Variants in CNST observed in about 807,000 individuals in gnomAD.
The protein encoded by CNST is consortin.
In CNST, 39 loss-of-function variants were observed where a neutral mutation model predicts 72.4. The ratio of observed to expected loss-of-function variants is 0.54; its 90% CI spans 0.42 to 0.70. The LOEUF (loss-of-function observed/expected upper bound fraction) is 0.70, where lower values mean the gene tolerates loss of function less well. Among genes scored for constraint, CNST ranks in the 30% least tolerant of loss-of-function variants. The pLI, the probability that CNST is intolerant of heterozygous loss-of-function variation, is 0.00. For synonymous variants in CNST, 332 were observed against 320.1 expected (o/e 1.04, Z -0.40); for missense variants, 871 against 868.5 (o/e 1.00, Z -0.04).
chr1:246,593,865 C>T (rs145865411), intron 2 of CNST, among the ~76,000 whole-genome samples: 1,575 of 152,174 alleles, frequency 0.01, 14 homozygotes, highest in Non-Finnish European at 0.017. Context: ...CAGGCACAAG[C>T]GATTCTCCCA....
At position 246,576,605 on chromosome 1, in the gene CNST, C is replaced by T. The variant is rs2103006154; in HGVS notation, c.-52+9942C>T. Among the ~76,000 whole-genome samples, 2 of 151,550 alleles carry T rather than the reference C, an allele frequency of 1.3e-5. 1 individual carries two copies. Among genetic ancestry groups the T allele is most frequent in the Admixed American group, 1.3e-4 (2 of 15,222 alleles). ...CTGCCTCCCAGGTTCAAGTGACTCT[C>T]CTGCCTCAGCCTCTTTAGTAGCTGG... On this transcript the variant is annotated intron_variant, in intron 1 of 10. Transcript: ENST00000366513.
chr1:246,623,953 C>T (rs1379581204), intron 3 of CNST, among the ~76,000 whole-genome samples: 1 of 151,066 alleles, frequency 6.6e-6, no homozygotes, highest in African/African-American at 2.4e-5. Flanking sequence ...ATCCCAGCTA[C>T]TCAGGACGCT....
intron 3 of CNST, among the ~76,000 whole-genome samples, chr1:246,628,755 C>T (rs774123482): frequency 2.0e-5 from 3 of 152,140 alleles, no homozygotes; most frequent in Non-Finnish European, 2.9e-5. Context: ...CCTGGGAACT[C>T]GGTTTCAACA....
chr1:246,605,979 G>T (rs911812157), intron 2 of CNST: 1 of 152,092 alleles, frequency 6.6e-6, no homozygotes, highest in African/African-American at 2.4e-5. Flanking sequence ...TTTCGGCCCC[G>T]GGGAGAATCT....
At chr1:246,662,218 G>A (rs938916753) in intron 10 of CNST, among the ~76,000 whole-genome samples, 2 of 152,092 alleles carry the variant, frequency 1.3e-5, no homozygotes, top group African/African-American at 4.8e-5. Context: ...TGACTTACAC[G>A]GTGTTTTCAT....
intron 9 of CNST, among the ~76,000 whole-genome samples, chr1:246,654,830 T>C (rs1427824636): frequency 3.9e-5 from 6 of 152,162 alleles, no homozygotes. Context: ...TGTGTTTTTT[T>C]TTTTATTCTT....
chr1:246,651,946 G>A (rs1167228637), intron 9 of CNST, among the ~76,000 whole-genome samples: 2 of 152,056 alleles, frequency 1.3e-5, no homozygotes, highest in East Asian at 1.9e-4. Flanking sequence ...TGTGAGGGCC[G>A]CATTACAGAT....
intron 9 of CNST, among the ~76,000 whole-genome samples, chr1:246,653,328 C>G (rs1250799792): frequency 1.3e-5 from 2 of 152,194 alleles, no homozygotes; most frequent in Non-Finnish European, 2.9e-5. Context: ...CTGTGGGATT[C>G]TCTTGCCAAG....
At chr1:246,598,900 C>G (rs1662070056) in intron 2 of CNST, among the ~76,000 whole-genome samples, 1 of 152,158 alleles carries the variant, frequency 6.6e-6, no homozygotes, top group Non-Finnish European at 1.5e-5. Flanking sequence ...GAGTACATAC[C>G]ACACTTTCAG....
intron 1 of CNST, chr1:246,569,948 A>G (rs1442521496): frequency 4.1e-6 from 4 of 979,270 alleles, no homozygotes; most frequent in South Asian, 9.5e-5. Flanking sequence ...GTGAACAGGT[A>G]GAGTACCTGT....
At chr1:246,628,426 A>G (rs1558570579) in intron 3 of CNST, among the ~76,000 whole-genome samples, 1 of 152,248 alleles carries the variant, frequency 6.6e-6, no homozygotes, top group Admixed American at 6.5e-5. Flanking sequence ...AAAAAGTGAT[A>G]TATAATATAT....
At chr1:246,631,492 T>C (rs1475394041) in intron 3 of CNST, among the ~76,000 whole-genome samples, 1 of 152,268 alleles carries the variant, frequency 6.6e-6, no homozygotes, top group Admixed American at 6.5e-5. Context: ...TATTTATGTT[T>C]GCTTCACAGC....
At chr1:246,571,474 G>A (rs1236405445) in intron 1 of CNST, among the ~76,000 whole-genome samples, 1 of 152,114 alleles carries the variant, frequency 6.6e-6, no homozygotes, top group Non-Finnish European at 1.5e-5. Context: ...TTAGTTTTGA[G>A]ATCCTGCTCT....
intron 2 of CNST, among the ~76,000 whole-genome samples, chr1:246,615,382 A>C (rs923468638): frequency 6.6e-6 from 1 of 151,512 alleles, no homozygotes; most frequent in Non-Finnish European, 1.5e-5. Context: ...TCACCGTGTT[A>C]GCCAGGATGG....
chr1:246,615,423 C>T (rs1316985556), intron 2 of CNST, among the ~76,000 whole-genome samples: 4 of 151,910 alleles, frequency 2.6e-5, no homozygotes, highest in African/African-American at 9.7e-5. Flanking sequence ...GATCCGCCTG[C>T]CTCGGCCTCC....
intron 2 of CNST, among the ~76,000 whole-genome samples, chr1:246,612,817 C>T (rs796635965): frequency 2.0e-5 from 3 of 152,022 alleles, no homozygotes; most frequent in East Asian, 1.9e-4. Context: ...CTGGGGAGGT[C>T]GAGGCTGCAG....
chr1:246,638,328 C>A (rs962919826), intron 6 of CNST, among the ~76,000 whole-genome samples: 2 of 152,080 alleles, frequency 1.3e-5, no homozygotes, highest in African/African-American at 4.8e-5. Context: ...CTTGTTTGGC[C>A]GCCTGATCTG....
In CNST at chr1:246,660,063, A is replaced by G. The variant is rs1667002602; in HGVS notation, c.1837-136A>G. ...GAAAGTTTTATTCTGTTAGATTTTGATGTTATTTTTTTCTATAGGAATTGG... is the reference window on the plus strand; with the variant it reads ...GAAAGTTTTATTCTGTTAGATTTTGGTGTTATTTTTTTCTATAGGAATTGG... On this transcript the variant is annotated intron_variant, in intron 9 of 10. Transcript: ENST00000366513. The G allele has an allele frequency of 4.5e-6, 3 of 669,724 alleles. No homozygotes were observed. The East Asian group carries it at 8.1e-5, about 18-fold the overall frequency. The allele number at this position is 669,724 out of a possible 1,614,324, so 41.5% of individuals were successfully genotyped here. A position where few individuals can be genotyped will look rare whatever the true frequency, so the allele number is the denominator to read the frequency against.
chr1:246,643,355 G>A (rs1327152910), intron 8 of CNST, among the ~76,000 whole-genome samples: 1 of 152,124 alleles, frequency 6.6e-6, no homozygotes, highest in African/African-American at 2.4e-5. Flanking sequence ...AGTAAAATGA[G>A]CTTCATAACA....
Sources: allele counts gnomAD v4.1 joint callset (sites outside exome capture counted in the v4.1 genomes callset), GRCh38; gene constraint gnomAD v4.1.1; transcripts MANE v1.5; gene names NCBI Gene and HGNC (gene_info 2026-07-23, HGNC 2026-07-21).